The following NR2C2 variants were observed in gnomAD, a reference collection of about 807,000 sequenced individuals.
The protein encoded by NR2C2 is Nuclear hormone receptor TR4.
In NR2C2, 6 loss-of-function variants were observed where a neutral mutation model predicts 62.9. That is an observed-to-expected ratio of 0.10 (90% CI 0.05 to 0.19). NR2C2 has a LOEUF of 0.19. NR2C2 is among the 10% of genes least tolerant of loss of function. The pLI is 1.00. For synonymous variants in NR2C2, 272 were observed against 273.8 expected (o/e 0.99, Z 0.07); for missense variants, 479 against 762.7 (o/e 0.63, Z 4.38).
At chr3:14,989,280 T>C (rs956810379) in intron 1 of NR2C2, among the ~76,000 whole-genome samples, 2 of 152,158 alleles carry the variant, frequency 1.3e-5, no homozygotes, top group Admixed American at 1.3e-4. Context: ...TATTACAGTG[T>C]TCTTCATTTG....
chr3:14,965,868 T>C (rs968572210), intron 1 of NR2C2, among the ~76,000 whole-genome samples: 5 of 152,098 alleles, frequency 3.3e-5, no homozygotes, highest in Admixed American at 6.6e-5. Flanking sequence ...TTTCGCCTTG[T>C]TGGCCAGGCA....
intron 1 of NR2C2, among the ~76,000 whole-genome samples, chr3:14,978,378 T>C (rs1488223624): frequency 6.6e-6 from 1 of 152,224 alleles, no homozygotes; most frequent in African/African-American, 2.4e-5. Context: ...TATTTTATAA[T>C]AAACTTGAAT....
At chr3:15,032,282 C>A in intron 9 of NR2C2, 97 bp from the exon 10 acceptor site, 1 of 1,530,730 alleles carries the variant, frequency 6.5e-7, no homozygotes, top group Non-Finnish European at 9.0e-7. Context: ...ACTCTAGATG[C>A]CACTGCTATT....
intron 1 of NR2C2, among the ~76,000 whole-genome samples, chr3:15,001,533 C>T (rs1380326930): frequency 2.0e-5 from 3 of 151,886 alleles, no homozygotes; most frequent in Admixed American, 6.6e-5. Flanking sequence ...TGGGGTTTCA[C>T]CATGTTGGCC....
In NR2C2 at chr3:15,033,876, G is replaced by A. The variant is rs550237715; in HGVS notation, c.1233-794G>A. On this transcript the variant is annotated intron_variant, in intron 10 of 13. Coordinates refer to ENST00000425241, the MANE Select transcript of NR2C2 (RefSeq NM_001291694.2). ...ACATTTCATGTACTGTTTTTCATAA[G>A]TTAGTGTTCAGGGCAGTGATCATAG... Among the ~76,000 whole-genome samples the A allele has an allele frequency of 2.0e-5, 3 of 152,164 alleles. No individual in the cohort carries two copies. In the South Asian group the frequency reaches 6.2e-4, roughly 32 times the overall value.
intron 2 of NR2C2, among the ~76,000 whole-genome samples, chr3:15,004,848 T>C (rs2041122265): frequency 1.3e-5 from 2 of 152,248 alleles, no homozygotes; most frequent in Non-Finnish European, 2.9e-5. Flanking sequence ...TTTCTTGATC[T>C]TAGCCAAAAG....
At chr3:15,016,926 C>T (rs897627152) in intron 4 of NR2C2, among the ~76,000 whole-genome samples, 3 of 152,160 alleles carry the variant, frequency 2.0e-5, no homozygotes, top group African/African-American at 7.2e-5. Flanking sequence ...CAAGTGCTGG[C>T]CTGCTTGTAC....
At chr3:14,965,183 G>A (rs1345026368) in intron 1 of NR2C2, among the ~76,000 whole-genome samples, 1 of 151,972 alleles carries the variant, frequency 6.6e-6, no homozygotes, top group Non-Finnish European at 1.5e-5. Flanking sequence ...CATTATTTGA[G>A]GACTCCCATA....
At position 15,008,218 on chromosome 3, in the gene NR2C2, TTG is replaced by T. The variant is rs752495160; in HGVS notation, c.72+4234_72+4235del. On this transcript the variant is annotated intron_variant, in intron 2 of 13. Transcript: ENST00000425241. ...GTTAGCAAACAGTTTTTTTGTTTGTTTGTTTTTTTTTTTAAATTAGGGGGCTG... is the reference window on the plus strand; with the variant it reads ...GTTAGCAAACAGTTTTTTTGTTTGTTTTTTTTTTTTTAAATTAGGGGGCTG... Among the ~76,000 whole-genome samples, 80 of 134,802 alleles carry T rather than the reference TTG, an allele frequency of 5.9e-4. 1 individual carries two copies. Among genetic ancestry groups the T allele is most frequent in the African/African-American group, 1.2e-3 (43 of 34,752 alleles). 88.4% of individuals were successfully genotyped at this position (134,802 alleles called of 152,430 possible). A position where few individuals can be genotyped will look rare whatever the true frequency, so the allele number is the denominator to read the frequency against.
chr3:14,951,733 G>A (rs1362172137), intron 1 of NR2C2, among the ~76,000 whole-genome samples: 1 of 151,860 alleles, frequency 6.6e-6, no homozygotes, highest in African/African-American at 2.4e-5. Context: ...TTATGAGGAT[G>A]GCTGGAAGTT....
chr3:15,008,138 T>A (rs746687423), intron 2 of NR2C2, among the ~76,000 whole-genome samples: 10 of 152,130 alleles, frequency 6.6e-5, no homozygotes, highest in Non-Finnish European at 8.8e-5. Context: ...GCTTCCAGTT[T>A]GTCAAGAGAA....
chr3:14,951,519 A>C (rs1330882811), intron 1 of NR2C2, among the ~76,000 whole-genome samples: 2 of 152,228 alleles, frequency 1.3e-5, no homozygotes, highest in African/African-American at 4.8e-5. Flanking sequence ...GTCTTGCTCA[A>C]AGATTTTTGG....
chr3:14,963,808 C>G (rs2039758869), intron 1 of NR2C2, among the ~76,000 whole-genome samples: 2 of 151,924 alleles, frequency 1.3e-5, no homozygotes, highest in African/African-American at 4.8e-5. Flanking sequence ...TTTTTTTAAA[C>G]AAAAACTAAG....
Position 15,003,981 on chromosome 3 carries a change from A to G in NR2C2, c.67A>G (p.Ile23Val). ...CTCTGCTGTAGCCTCACCTCAGCGC[A>G]TTCAGGTACCTGCAACCTGCCAATG... ...TDSAVASPQRIQIVTDQQTGQ... is the reference protein window; with the variant it reads ...TDSAVASPQRVQIVTDQQTGQ... The change falls in exon 2 of 14, where the codon ATT becomes GTT. Residue 23 changes from isoleucine to valine, a missense_variant. By Grantham distance (29) the Ile-to-Val change is conservative (BLOSUM62 3). This residue lies in a region of NR2C2 where 115 missense variants were observed against 152.3 expected (regional missense o/e 0.76). Transcript: ENST00000425241. 4 of 1,605,876 alleles carry G rather than the reference A, an allele frequency of 2.5e-6. No homozygotes were observed. Among genetic ancestry groups the G allele is most frequent in the South Asian group, 1.1e-5 (1 of 89,556 alleles).
In NR2C2 at chr3:15,006,234, T is replaced by G. The variant is rs375574795; in HGVS notation, c.72+2248T>G. 4.1e-4 allele frequency among the ~76,000 whole-genome samples: 62 copies of G among 152,216 alleles called. 2 individuals carry two copies. In the South Asian group the frequency reaches 0.013, roughly 32 times the overall value. Reference sequence around the variant, plus strand: ...AAATAAAATAGTAATTCAGAACTATTCATATGAGCTAAAATTTATACTTAA... The same window carrying G: ...AAATAAAATAGTAATTCAGAACTATGCATATGAGCTAAAATTTATACTTAA... On this transcript the variant is annotated intron_variant, in intron 2 of 13. Transcript: ENST00000425241.
intron 3 of NR2C2, among the ~76,000 whole-genome samples, chr3:15,014,629 C>T (rs1439862107): frequency 6.6e-6 from 1 of 152,102 alleles, no homozygotes; most frequent in Non-Finnish European, 1.5e-5. Context: ...AAACTCTGTA[C>T]TCATTGAATA....
intron 1 of NR2C2, among the ~76,000 whole-genome samples, 187 bp from the exon 2 acceptor site, chr3:15,003,688 AT>A (rs1011404634): frequency 8.5e-5 from 13 of 152,056 alleles, no homozygotes; most frequent in African/African-American, 2.9e-4. Context: ...TTAAGATTGT[AT>A]TTTCCTGGGG....
chr3:15,036,635 C>G (rs1172391011), intron 11 of NR2C2, among the ~76,000 whole-genome samples: 2 of 152,102 alleles, frequency 1.3e-5, no homozygotes, highest in Non-Finnish European at 2.9e-5. Flanking sequence ...GACTTACAGG[C>G]ATGTGCCATC....
intron 1 of NR2C2, among the ~76,000 whole-genome samples, chr3:14,964,443 C>T (rs1272416436): frequency 6.6e-6 from 1 of 152,200 alleles, no homozygotes; most frequent in Non-Finnish European, 1.5e-5. Context: ...TGCTTTCTTA[C>T]TGCGTAGTTT....
Sources: gnomAD v4.1 joint callset for allele counts (sites outside exome capture counted in the v4.1 genomes callset) on GRCh38, gnomAD v4.1.1 for gene constraint, gnomAD v4.1.1 regional missense constraint, MANE v1.5 for transcripts, NCBI Gene and HGNC (gene_info 2026-07-23, HGNC 2026-07-21) for gene names.